Variants in TNS3 observed in about 807,000 individuals in gnomAD.
TNS3 encodes tensin 3.
In TNS3, 45 loss-of-function variants were observed where a neutral mutation model predicts 140.9. The ratio of observed to expected loss-of-function variants is 0.32; its 90% confidence interval spans 0.25 to 0.41. The LOEUF is 0.41. TNS3 is among the 10% of genes least tolerant of loss of function. The pLI is 1.00. For synonymous variants in TNS3, 815 were observed against 788.4 expected, an observed-to-expected ratio of 1.03 and a Z score of -0.56; for missense variants, 1,716 against 1,906.7, an observed-to-expected ratio of 0.90 and a Z score of 1.86.
rs572025136 is a variant in TNS3 at position 47,419,269 on chromosome 7, GC to G, written c.474-4064del. Among the ~76,000 whole-genome samples the G allele has an allele frequency of 2.4e-3, 358 of 152,322 alleles. 2 individuals carry two copies. The highest frequency in any genetic ancestry group is 8.3e-3 in the African/African-American group (346 of 41,582). Reference sequence around the variant, plus strand: ...TTGGAGGCTCAGAGGGGATGTCCAGGCCCAGGCAAAGTGTGTGGCTCCCTGA... The same window carrying G: ...TTGGAGGCTCAGAGGGGATGTCCAGGCCAGGCAAAGTGTGTGGCTCCCTGA... On this transcript the variant is annotated intron_variant, in intron 10 of 30. Coordinates refer to ENST00000311160, the MANE Select transcript of TNS3 (RefSeq NM_022748.12).
intron 3 of TNS3, among the ~76,000 whole-genome samples, chr7:47,498,037 G>A (rs929608675): frequency 1.3e-5 from 2 of 152,138 alleles, no homozygotes; most frequent in African/African-American, 4.8e-5. Context: ...ACAACATCCC[G>A]CAGGGTGGAG....
chr7:47,477,239 AGC>A (rs1375279916), intron 4 of TNS3, among the ~76,000 whole-genome samples: 1 of 152,208 alleles, frequency 6.6e-6, no homozygotes, highest in Non-Finnish European at 1.5e-5. Context: ...TCATGCCCTC[AGC>A]CAGCACAACT....
intron 20 of TNS3, among the ~76,000 whole-genome samples, chr7:47,309,529 G>A (rs952006590): frequency 3.9e-5 from 6 of 152,166 alleles, no homozygotes; most frequent in African/African-American, 7.2e-5. Flanking sequence ...CCACCTCACC[G>A]ATAAATAGGA....
chr7:47,471,740 T>A (rs1023779586), intron 4 of TNS3, among the ~76,000 whole-genome samples: 1 of 152,232 alleles, frequency 6.6e-6, no homozygotes, highest in Admixed American at 6.5e-5. Flanking sequence ...AGGAGCCACC[T>A]CCCCCTCGGG....
intron 1 of TNS3, among the ~76,000 whole-genome samples, chr7:47,537,549 C>A (rs1056715515): frequency 2.0e-5 from 3 of 152,106 alleles, no homozygotes; most frequent in East Asian, 2.0e-4. Context: ...GAATTACCGA[C>A]GCGCCGCGCT....
At chr7:47,445,406 C>T (rs879651573) in intron 4 of TNS3, among the ~76,000 whole-genome samples, 5 of 152,284 alleles carry the variant, frequency 3.3e-5, no homozygotes, top group Admixed American at 1.3e-4. Flanking sequence ...GGTGGGCGGA[C>T]GTGTTGGAAT....
chr7:47,515,557 CCAT>C (rs71801266), intron 2 of TNS3, among the ~76,000 whole-genome samples: 54,337 of 151,664 alleles, frequency 0.36, 10,842 homozygotes, highest in Non-Finnish European at 0.46. Context: ...CACACCATCA[CCAT>C]CATCATCTCC....
At chr7:47,345,100 A>T (rs1337710739) in intron 18 of TNS3, 62 bp from the exon 19 acceptor site, 1 of 1,390,774 alleles carries the variant, frequency 7.2e-7, no homozygotes, top group Non-Finnish European at 1.0e-6. Flanking sequence ...CCCTCCAAAC[A>T]GTTGTGGTTG....
At chr7:47,284,284 G>A (rs1785297245) in intron 27 of TNS3, among the ~76,000 whole-genome samples, 1 of 152,164 alleles carries the variant, frequency 6.6e-6, no homozygotes, top group South Asian at 2.1e-4. Flanking sequence ...TATAGGTAAG[G>A]AGCCCAGAGG....
intron 1 of TNS3, among the ~76,000 whole-genome samples, chr7:47,543,327 C>A (rs904546275): frequency 6.6e-6 from 1 of 152,242 alleles, no homozygotes; most frequent in Admixed American, 6.5e-5. Context: ...ACACCTGTTC[C>A]CCAGGGCCAT....
chr7:47,299,827 C>T (rs1252914488), intron 23 of TNS3, among the ~76,000 whole-genome samples: 1 of 152,198 alleles, frequency 6.6e-6, no homozygotes, highest in East Asian at 1.9e-4. Context: ...ACAGCAGCTG[C>T]GTGCTCCACC....
Position 47,276,899 on chromosome 7 carries a change from G to C in TNS3, c.*1177C>G, listed in dbSNP as rs1784892491. On this transcript the variant is annotated 3_prime_UTR_variant, in exon 31 of 31. Transcript: ENST00000311160. ...GGCAAGGAGCAGCACAAAGAGGGCT[G>C]ATAAATGCAGGCGAACTTCAGGTCG... 6.6e-6 allele frequency: 1 copy of C among 152,192 alleles called. No individual in the cohort carries two copies. The allele number at this position is 152,192 out of a possible 1,614,324, so 9.4% of individuals were successfully genotyped here. A position where few individuals can be genotyped will look rare whatever the true frequency, so the allele number is the denominator to read the frequency against.
In TNS3 at chr7:47,368,467, C is replaced by T. The variant is rs761754484; in HGVS notation, c.2179G>A (p.Ala727Thr). Residue 727 changes from alanine to threonine, a missense_variant, in exon 17 of 31, where the codon GCC becomes ACC. Coordinates refer to ENST00000311160, the MANE Select transcript of TNS3 (RefSeq NM_022748.12). ...PTHMNALGSQ[A>T]NGSVSPDSVG... ...CTGTCTGGAGACACAGAGCCATTGG[C>T]CTGGCTACCGAGGGCGTTCATGTGG... 1.9e-6 allele frequency: 3 copies of T among 1,588,446 alleles called. No individual in the cohort carries two copies. The highest frequency in any genetic ancestry group is 1.7e-5 in the Admixed American group (1 of 58,632).
chr7:47,338,610 C>G (rs533200880), intron 20 of TNS3, among the ~76,000 whole-genome samples: 9 of 152,096 alleles, frequency 5.9e-5, no homozygotes, highest in Admixed American at 5.9e-4. Context: ...TCAGGGGATA[C>G]TGAATTTGCT....
At position 47,533,649 on chromosome 7, in the gene TNS3, G is replaced by A. The variant is rs570889713; in HGVS notation, c.-264-4502C>T. Among the ~76,000 whole-genome samples the A allele has an allele frequency of 4.6e-5, 7 of 152,064 alleles. No homozygotes were observed. The South Asian group carries it at 8.3e-4, about 18-fold the overall frequency. On this transcript the variant is annotated intron_variant, in intron 1 of 30. Transcript: ENST00000311160. ...ACTGATATGGCTTGACTGTGTCCCCGCCCAAATCTCATCTTGAATTCCCAT... is the reference window on the plus strand; with the variant it reads ...ACTGATATGGCTTGACTGTGTCCCCACCCAAATCTCATCTTGAATTCCCAT...
intron 1 of TNS3, among the ~76,000 whole-genome samples, chr7:47,558,480 G>A (rs1053595837): frequency 3.3e-5 from 5 of 151,928 alleles, no homozygotes; most frequent in African/African-American, 1.2e-4. Flanking sequence ...CTTCAAAGAG[G>A]CCGACCCCAG....
intron 1 of TNS3, among the ~76,000 whole-genome samples, chr7:47,556,167 T>G (rs1206529939): frequency 6.6e-6 from 1 of 152,236 alleles, no homozygotes; most frequent in African/African-American, 2.4e-5. Context: ...CAGATTCTCC[T>G]TGAACCCACA....
At chr7:47,485,002 G>A (rs1797557208) in intron 3 of TNS3, among the ~76,000 whole-genome samples, 1 of 152,182 alleles carries the variant, frequency 6.6e-6, no homozygotes, top group African/African-American at 2.4e-5. Flanking sequence ...GGCTGGGAGG[G>A]TCCCGGTGCA....
intron 8 of TNS3, among the ~76,000 whole-genome samples, chr7:47,429,897 C>T (rs1431361331): frequency 6.6e-6 from 1 of 152,158 alleles, no homozygotes; most frequent in Admixed American, 6.5e-5. Context: ...ATACTCAATG[C>T]GGGCACTTGA....
Sources: allele counts gnomAD v4.1 joint callset (sites outside exome capture counted in the v4.1 genomes callset), GRCh38; gene constraint gnomAD v4.1.1; transcripts MANE v1.5; gene names NCBI Gene and HGNC (gene_info 2026-07-23, HGNC 2026-07-21).